KBTBD11: variants seen among roughly 807,000 people sequenced by gnomAD.
The protein encoded by KBTBD11 is kelch repeat and BTB domain-containing protein 11.
For missense variants in KBTBD11, 1,390 were observed against 1,001.8 expected, an observed-to-expected ratio of 1.39 and a Z score of -5.23; for synonymous variants, 747 against 499.0, an observed-to-expected ratio of 1.50 and a Z score of -6.63.
intron 1 of KBTBD11, among the ~76,000 whole-genome samples, chr8:1,986,789 A>G (rs957180761): frequency 5.3e-5 from 8 of 152,200 alleles, no homozygotes; most frequent in Admixed American, 4.6e-4. Flanking sequence ...CCATAATGCA[A>G]TATAAAGAAA....
chr8:2,003,014 G>A lies in KBTBD11; in HGVS notation c.1822G>A (p.Ala608Thr). 1 of 1,281,282 alleles carries A rather than the reference G, an allele frequency of 7.8e-7. No individual in the cohort carries two copies. The highest frequency in any genetic ancestry group is 9.9e-7 in the Non-Finnish European group (1 of 1,013,694). 79.4% of individuals were successfully genotyped at this position (1,281,282 alleles called of 1,614,324 possible). The part of the protein sequence containing the change: ...LDVRGVLIPF[A>T]LSLPEKPPRG... ...CGTCCGGGGTGTGCTCATCCCGTTC[G>A]CTCTCAGCCTGCCTGAGAAGCCGCC... Residue 608 changes from alanine to threonine, a missense_variant, in exon 2 of 2, where the codon GCT (alanine) becomes ACT (threonine). Coordinates refer to ENST00000320248, the MANE Select transcript of KBTBD11 (RefSeq NM_014867.3).
intron 1 of KBTBD11, among the ~76,000 whole-genome samples, chr8:1,986,513 C>G (rs1242899704): frequency 6.6e-6 from 1 of 152,146 alleles, no homozygotes; most frequent in Non-Finnish European, 1.5e-5. Context: ...TTTTATGAAA[C>G]CAACAGCTCA....
At chr8:1,979,829 C>A (rs978767153) in intron 1 of KBTBD11, among the ~76,000 whole-genome samples, 1 of 152,240 alleles carries the variant, frequency 6.6e-6, no homozygotes, top group Non-Finnish European at 1.5e-5. Flanking sequence ...GGACAGGGCT[C>A]GGGCCTCATC....
intron 1 of KBTBD11, among the ~76,000 whole-genome samples, chr8:1,974,162 G>A (rs1161555651): frequency 7.2e-6 from 1 of 138,348 alleles, no homozygotes; most frequent in Non-Finnish European, 1.6e-5. Flanking sequence ...GGAGAGGAGG[G>A]GGCAGCGCTG....
chr8:1,980,107 CCTGT>C (rs1322349352), intron 1 of KBTBD11, among the ~76,000 whole-genome samples: 1 of 152,088 alleles, frequency 6.6e-6, no homozygotes, highest in Non-Finnish European at 1.5e-5. Flanking sequence ...TGTAGAATCC[CCTGT>C]CTAAGTATGA....
chr8:1,974,124 GGA>G (rs1816229125), intron 1 of KBTBD11, among the ~76,000 whole-genome samples, 189 bp downstream of exon 1: 1 of 3,786 alleles, frequency 2.6e-4, no homozygotes, highest in African/African-American at 1.9e-3. Flanking sequence ...GGAGGGGAGC[GGA>G]GCGGAGGGGA....
Position 2,003,119 on chromosome 8 carries a change from C to G in KBTBD11, c.*55C>G. On this transcript the variant is annotated 3_prime_UTR_variant, in exon 2 of 2. Transcript: ENST00000320248. Reference sequence around the variant, plus strand: ...GCAGGGGTTTGCGGGGCCCAGGTCCCTTTGGGCCCGCGGAGGAGGACGTGG... The same window carrying G: ...GCAGGGGTTTGCGGGGCCCAGGTCCGTTTGGGCCCGCGGAGGAGGACGTGG... The G allele has an allele frequency of 8.0e-7, 1 of 1,252,450 alleles. No individual in the cohort carries two copies. Among genetic ancestry groups the G allele is most frequent in the Non-Finnish European group, 1.0e-6 (1 of 991,786 alleles). 77.6% of individuals were successfully genotyped at this position (1,252,450 alleles called of 1,614,324 possible). A position where few individuals can be genotyped will look rare whatever the true frequency, so the allele number is the denominator to read the frequency against.
chr8:1,996,336 G>A (rs1007418439), intron 1 of KBTBD11, among the ~76,000 whole-genome samples: 7 of 152,020 alleles, frequency 4.6e-5, no homozygotes, highest in African/African-American at 1.7e-4. Context: ...GCGTGATCTC[G>A]GCTCACTGCA....
Position 2,002,806 on chromosome 8 carries a change from C to T in KBTBD11, c.1614C>T (p.Val538=), listed in dbSNP as rs765045867. 4.2e-6 allele frequency: 6 copies of T among 1,438,830 alleles called. No individual in the cohort carries two copies. Among genetic ancestry groups the T allele is most frequent in the East Asian group, 3.0e-5 (1 of 33,740 alleles). 89.1% of individuals were successfully genotyped at this position (1,438,830 alleles called of 1,614,324 possible). A position where few individuals can be genotyped will look rare whatever the true frequency, so the allele number is the denominator to read the frequency against. ...TGGCCAAGCAGTGGAGCCCGTGCGTCGCGCCCCTGCGCCTCCCCGGCGGCC... is the reference window on the plus strand; with the variant it reads ...TGGCCAAGCAGTGGAGCCCGTGCGTTGCGCCCCTGCGCCTCCCCGGCGGCC... The part of the protein sequence containing the change: ...HCLAKQWSPC[V]APLRLPGGPT... The change falls in exon 2 of 2, where the codon GTC becomes GTT. Residue 538 remains valine, a synonymous_variant. Coordinates refer to ENST00000320248, the MANE Select transcript of KBTBD11 (RefSeq NM_014867.3). The surrounding 1 kb of genome is among the most constrained non-coding windows in gnomAD (Gnocchi z 4.1).
chr8:1,976,405 T>C (rs1816345919), intron 1 of KBTBD11: 1 of 152,192 alleles, frequency 6.6e-6, no homozygotes, highest in South Asian at 2.1e-4. Flanking sequence ...TTAAAGCATC[T>C]AGTTTACTTT....
At chr8:1,994,242 G>C (rs1172989188) in intron 1 of KBTBD11, among the ~76,000 whole-genome samples, 1 of 151,370 alleles carries the variant, frequency 6.6e-6, no homozygotes, top group Non-Finnish European at 1.5e-5. Context: ...GGGACAGCTG[G>C]TGGAGCGAGG....
At chr8:1,999,018 G>T (rs1262154837) in intron 1 of KBTBD11, among the ~76,000 whole-genome samples, 1 of 152,202 alleles carries the variant, frequency 6.6e-6, no homozygotes, top group Non-Finnish European at 1.5e-5. Flanking sequence ...GCTATTGTCT[G>T]TGACCTACCC....
chr8:1,976,133 T>C (rs1344465879), intron 1 of KBTBD11: 2 of 152,164 alleles, frequency 1.3e-5, no homozygotes, highest in South Asian at 2.1e-4. Flanking sequence ...GGAGGACTGG[T>C]GTCTGAGTGG....
At position 2,002,919 on chromosome 8, in the gene KBTBD11, C is replaced by T. The variant is rs1003374236; in HGVS notation, c.1727C>T (p.Ala576Val). 6 of 1,321,920 alleles carry T rather than the reference C, an allele frequency of 4.5e-6. No homozygotes were observed. The highest frequency in any genetic ancestry group is 2.8e-4 in the Middle Eastern group (1 of 3,544). 81.9% of individuals were successfully genotyped at this position (1,321,920 alleles called of 1,614,324 possible). Residue 576 changes from alanine (A) to valine (V), a missense_variant, in exon 2 of 2, where the codon GCC becomes GTC. Transcript: ENST00000320248. This position sits in a 1 kb window ranked among gnomAD's most constrained non-coding sequence, Gnocchi z 4.1. The part of the protein sequence containing the change: ...SRAGTWRFQP[A>V]REGEAGGDAG... ...GCGGGCACCTGGCGCTTCCAGCCTG[C>T]CCGGGAAGGCGAGGCCGGCGGCGAC...
chr8:1,982,274 A>G (rs1476488802), intron 1 of KBTBD11, among the ~76,000 whole-genome samples: 1 of 152,232 alleles, frequency 6.6e-6, no homozygotes, highest in Non-Finnish European at 1.5e-5. Context: ...GTAGAAAGTC[A>G]AGAATCAAAG....
At chr8:1,990,443 C>T (rs1438889902) in intron 1 of KBTBD11, among the ~76,000 whole-genome samples, 6 of 122,102 alleles carry the variant, frequency 4.9e-5, no homozygotes, top group African/African-American at 1.3e-4. Flanking sequence ...GTAGATGCTG[C>T]GGGGCCTTGG....
chr8:1,985,203 A>G (rs1816671455), intron 1 of KBTBD11, among the ~76,000 whole-genome samples: 1 of 152,228 alleles, frequency 6.6e-6, no homozygotes, highest in Middle Eastern at 3.2e-3. Flanking sequence ...GAGAAGGCAG[A>G]GCTCTTACAG....
chr8:1,997,509 A>G (rs1160399204), intron 1 of KBTBD11, among the ~76,000 whole-genome samples: 1 of 152,180 alleles, frequency 6.6e-6, no homozygotes, highest in Non-Finnish European at 1.5e-5. Context: ...CACCACGTCC[A>G]TTCTGCAGGG....
chr8:2,001,481 C>A lies in KBTBD11; in HGVS notation c.289C>A (p.Arg97Ser). The change falls in exon 2 of 2, where the codon CGC becomes AGC. Residue 97 changes from arginine (R) to serine (S), a missense_variant. Transcript: ENST00000320248. ...SPEELASPEE[R>S]ACPEEPAAPS... The stretch of plus-strand genomic sequence containing the variant: ...GGAGGAGCTCGCGTCCCCTGAGGAG[C>A]GCGCGTGCCCGGAAGAGCCCGCGGC... The A allele has an allele frequency of 1.5e-6, 2 of 1,378,060 alleles. No homozygotes were observed. The highest frequency in any genetic ancestry group is 3.3e-5 in the South Asian group (2 of 60,120). The allele number at this position is 1,378,060 out of a possible 1,614,324, so 85.4% of individuals were successfully genotyped here.
Sources: gnomAD v4.1 joint callset for allele counts (sites outside exome capture counted in the v4.1 genomes callset) on GRCh38, gnomAD v4.1.1 for gene constraint, Gnocchi (gnomAD v3.1) non-coding constraint, MANE v1.5 for transcripts, NCBI Gene and HGNC (gene_info 2026-07-23, HGNC 2026-07-21) for gene names.